The following LTBP2 variants were observed in gnomAD, a reference collection of about 807,000 sequenced individuals.
LTBP2 encodes latent transforming growth factor beta binding protein 2.
LTBP2 carries 103 observed loss-of-function variants against 210.6 expected under a neutral mutation model. That is an observed-to-expected ratio of 0.49 (90% CI 0.42 to 0.58). The LOEUF (loss-of-function observed/expected upper bound fraction) is 0.58. Among genes scored for constraint, LTBP2 ranks in the 20% least tolerant of loss-of-function variants. The pLI is 0.00. For missense variants in LTBP2, 2,313 were observed against 2,494.5 expected (o/e 0.93, Z 1.55); for synonymous variants, 1,007 against 1,015.0 (o/e 0.99, Z 0.15).
chr14:74,528,257 C>A (rs543934055), intron 12 of LTBP2, among the ~76,000 whole-genome samples: 17 of 152,296 alleles, frequency 1.1e-4, no homozygotes, highest in Admixed American at 8.5e-4. Context: ...CCACAAGCAA[C>A]TCCCTGGGGC....
intron 8 of LTBP2, among the ~76,000 whole-genome samples, chr14:74,547,262 T>C (rs567002142): frequency 1.4e-4 from 22 of 152,296 alleles, no homozygotes; most frequent in African/African-American, 4.8e-4. Flanking sequence ...ACAGAGGAGA[T>C]ACTGACCCAA....
intron 28 of LTBP2, among the ~76,000 whole-genome samples, chr14:74,505,807 C>T (rs2086975005): frequency 6.6e-6 from 1 of 152,166 alleles, no homozygotes; most frequent in Non-Finnish European, 1.5e-5. Context: ...CCTAAGTCAG[C>T]ATCAGGGTTT....
At chr14:74,504,705 A>G in intron 30 of LTBP2, 73 bp downstream of exon 30, 1 of 1,474,088 alleles carries the variant, frequency 6.8e-7, no homozygotes, top group Admixed American at 1.7e-5. Context: ...GAACTTCCCC[A>G]GGGACCCTGT....
chr14:74,509,450 G>A (rs1401423785), intron 21 of LTBP2, 87 bp from the exon 22 acceptor site: 1 of 1,584,624 alleles, frequency 6.3e-7, no homozygotes. Flanking sequence ...TTCCCTCTCT[G>A]AGCCCCTGGG....
At chr14:74,543,934 C>A (rs1348109127) in intron 8 of LTBP2, among the ~76,000 whole-genome samples, 1 of 152,200 alleles carries the variant, frequency 6.6e-6, no homozygotes, top group African/African-American at 2.4e-5. Context: ...TCTGGTCAGA[C>A]CCCTGGCTCA....
rs773355250 is a variant in LTBP2 at position 74,532,409 on chromosome 14, T to C, written c.1987+17A>G. The C allele has an allele frequency of 1.2e-6, 2 of 1,603,680 alleles. No individual in the cohort carries two copies. Among genetic ancestry groups the C allele is most frequent in the Admixed American group, 1.7e-5 (1 of 59,876 alleles). Reference sequence around the variant, plus strand: ...TCTCCCACTGTCCACCCCCACCCCATCCCTGCCAGCACTCACACACACAGC... The same window carrying C: ...TCTCCCACTGTCCACCCCCACCCCACCCCTGCCAGCACTCACACACACAGC... On this transcript the variant is annotated intron_variant, in intron 10 of 35. Transcript: ENST00000261978.
chr14:74,503,909 A>G lies in LTBP2; in HGVS notation c.4582+17T>C, dbSNP rs1490846097. The G allele has an allele frequency of 1.9e-6, 3 of 1,613,834 alleles. No homozygotes were observed. Among genetic ancestry groups the G allele is most frequent in the Non-Finnish European group, 1.7e-6 (2 of 1,179,978 alleles). On this transcript the variant is annotated intron_variant, in intron 31 of 35. Coordinates refer to ENST00000261978, the MANE Select transcript of LTBP2 (RefSeq NM_000428.3). ...CTGTGGGCCTGGGGTGGGGGCAGGGATCATGTGTGTCCTTACCCTCACACT... is the reference window on the plus strand; with the variant it reads ...CTGTGGGCCTGGGGTGGGGGCAGGGGTCATGTGTGTCCTTACCCTCACACT...
At chr14:74,518,790 G>A (rs1034483563) in intron 17 of LTBP2, among the ~76,000 whole-genome samples, 34 of 152,246 alleles carry the variant, frequency 2.2e-4, no homozygotes, top group Middle Eastern at 3.2e-3. Context: ...TGATCCTGCT[G>A]TACTGGTGGG....
chr14:74,568,414 G>C (rs548293389), intron 3 of LTBP2, among the ~76,000 whole-genome samples: 80 of 152,240 alleles, frequency 5.3e-4, no homozygotes, highest in African/African-American at 1.7e-3. Context: ...ATGCTTTCCA[G>C]AGGGTGGGAG....
chr14:74,581,935 C>T (rs1321680096), intron 3 of LTBP2, among the ~76,000 whole-genome samples: 1 of 152,078 alleles, frequency 6.6e-6, no homozygotes, highest in Non-Finnish European at 1.5e-5. Flanking sequence ...TCCCCAGACA[C>T]ACCCCAGCCA....
At chr14:74,568,247 A>G (rs1431924758) in intron 3 of LTBP2, among the ~76,000 whole-genome samples, 1 of 152,132 alleles carries the variant, frequency 6.6e-6, no homozygotes. Context: ...CAGGTACACT[A>G]TATACAGCAG....
chr14:74,546,098 C>G (rs2087572194), intron 8 of LTBP2, among the ~76,000 whole-genome samples: 1 of 152,184 alleles, frequency 6.6e-6, no homozygotes, highest in Non-Finnish European at 1.5e-5. Flanking sequence ...AGCCATGAAG[C>G]CACTCCCAGG....
At chr14:74,571,930 T>G (rs1392232121) in intron 3 of LTBP2, among the ~76,000 whole-genome samples, 2 of 151,564 alleles carry the variant, frequency 1.3e-5, no homozygotes, top group African/African-American at 4.8e-5. Context: ...CTTTTAGACC[T>G]TTCACAAATA....
chr14:74,500,772 G>T lies in LTBP2; in HGVS notation c.*112C>A. ...GAGATGAAAGCAGGCAAGGCTGATT[G>T]GAAACCTCTGGCCTGATGTCACGGT... On this transcript the variant is annotated 3_prime_UTR_variant, in exon 36 of 36. Transcript: ENST00000261978. 2.1e-6 allele frequency: 3 copies of T among 1,433,468 alleles called. No homozygotes were observed. Among genetic ancestry groups the T allele is most frequent in the South Asian group, 1.2e-5 (1 of 86,718 alleles). The allele number at this position is 1,433,468 out of a possible 1,614,324, so 88.8% of individuals were successfully genotyped here.
At chr14:74,506,915 GCA>G in intron 26 of LTBP2, 92 bp from the exon 27 acceptor site, 2 of 1,581,624 alleles carry the variant, frequency 1.3e-6, no homozygotes, top group Middle Eastern at 1.9e-4. Flanking sequence ...TCACACGCAT[GCA>G]CACTCTCTCG....
chr14:74,525,018 A>G, intron 15 of LTBP2, 106 bp downstream of exon 15: 1 of 557,856 alleles, frequency 1.8e-6, no homozygotes, highest in Non-Finnish European at 3.0e-6. Flanking sequence ...CCTAGTTGGA[A>G]AGGTGAGGGG....
intron 6 of LTBP2, 92 bp from the exon 7 acceptor site, chr14:74,551,442 C>A: frequency 7.8e-7 from 1 of 1,274,536 alleles, no homozygotes; most frequent in Admixed American, 2.8e-5. Flanking sequence ...CTGGGCCAGG[C>A]AGGCCACTGG....
intron 17 of LTBP2, 100 bp from the exon 18 acceptor site, chr14:74,517,041 A>T (rs2087145898): frequency 6.8e-7 from 1 of 1,471,238 alleles, no homozygotes; most frequent in Non-Finnish European, 9.2e-7. Flanking sequence ...AGGACAAAGG[A>T]TGCCATGCTG....
At chr14:74,581,606 G>A (rs184908749) in intron 3 of LTBP2, among the ~76,000 whole-genome samples, 10 of 152,238 alleles carry the variant, frequency 6.6e-5, no homozygotes, top group East Asian at 1.9e-4. Context: ...TGGGGCCTCC[G>A]TCTTACAATT....
Sources: gnomAD v4.1 joint callset for allele counts (sites outside exome capture counted in the v4.1 genomes callset) on GRCh38, gnomAD v4.1.1 for gene constraint, MANE v1.5 for transcripts, NCBI Gene and HGNC (gene_info 2026-07-23, HGNC 2026-07-21) for gene names.